The following DACH1 variants were observed in gnomAD, a reference collection of about 807,000 sequenced individuals.
DACH1 encodes the protein dachshund family transcription factor 1, also known as dachshund homolog 1.
Under a neutral mutation model 54.2 loss-of-function variants are expected in DACH1, and 12 were observed. The ratio of observed to expected loss-of-function variants is 0.22; its 90% CI spans 0.14 to 0.36. The LOEUF (loss-of-function observed/expected upper bound fraction) is 0.36. Among genes scored for constraint, DACH1 ranks in the 10% least tolerant of loss-of-function variants. The probability of loss-of-function intolerance (pLI) is 1.00; values close to 1 mark genes in which losing one functional copy is unlikely to be tolerated. For synonymous variants in DACH1, 386 were observed against 366.2 expected, an observed-to-expected ratio of 1.05 and a Z score of -0.62; for missense variants, 805 against 929.8, an observed-to-expected ratio of 0.87 and a Z score of 1.75.
At chr13:71,467,192 A>G (rs1876658314) in intron 10 of DACH1, among the ~76,000 whole-genome samples, 1 of 151,872 alleles carries the variant, frequency 6.6e-6, no homozygotes, top group Non-Finnish European at 1.5e-5. Flanking sequence ...GGCCTTCAGC[A>G]TTTGGAGTTC....
At chr13:71,787,749 G>A (rs1199225369) in intron 1 of DACH1, among the ~76,000 whole-genome samples, 1 of 152,038 alleles carries the variant, frequency 6.6e-6, no homozygotes, top group African/African-American at 2.4e-5. Context: ...GAGTATTCCC[G>A]GGCCATAGTT....
Position 71,739,913 on chromosome 13 carries a change from C to T in DACH1, c.849-58003G>A, listed in dbSNP as rs145793368. On this transcript the variant is annotated intron_variant, in intron 1 of 10. Transcript: ENST00000613252. ...AACACTTTGAAGCTAATAACGTGAG[C>T]TTTTAAAGACACACTGTAAAAGTTA... Among the ~76,000 whole-genome samples, 1,146 of 152,236 alleles carry T rather than the reference C, an allele frequency of 7.5e-3. 15 individuals are homozygous for T. The highest frequency in any genetic ancestry group is 0.025 in the African/African-American group (1,057 of 41,536).
rs560748782 is a variant in DACH1, at chr13:71,693,186, C to G, written c.849-11276G>C. The stretch of plus-strand genomic sequence containing the variant: ...TCTTTATAAAATAAAGCAGCCATAA[C>G]CATAAATTACTGGTAAAGTAACTTT... On this transcript the variant is annotated intron_variant, in intron 1 of 10. Coordinates refer to ENST00000613252, the MANE Select transcript of DACH1 (RefSeq NM_080759.6). Among the ~76,000 whole-genome samples the G allele has an allele frequency of 5.3e-5, 8 of 151,756 alleles. 1 individual carries two copies. In the South Asian group the frequency reaches 8.3e-4, roughly 16 times the overall value.
At position 71,866,505 on chromosome 13, in the gene DACH1, TGCTGCCGCCGCCGCCTCC is replaced by T. The variant is rs1288740714; in HGVS notation, c.247_264del (p.Gly83_Ser88del). 3.0e-5 allele frequency: 37 copies of T among 1,217,138 alleles called. No individual in the cohort carries two copies. The highest frequency in any genetic ancestry group is 6.3e-4 in the Middle Eastern group (2 of 3,184). The allele number at this position is 1,217,138 out of a possible 1,614,324, so 75.4% of individuals were successfully genotyped here. A position where few individuals can be genotyped will look rare whatever the true frequency, so the allele number is the denominator to read the frequency against. On this transcript the variant is annotated inframe_deletion, in exon 1 of 11. Transcript: ENST00000613252. ...CCGCCACCGCCGCCTCCGTTGCCGCTGCTGCCGCCGCCGCCTCCGCTGCCGCCGCCGCCGCCGCCGCCG... is the reference window on the plus strand; with the variant it reads ...CCGCCACCGCCGCCTCCGTTGCCGCTGCTGCCGCCGCCGCCGCCGCCGCCG...
intron 3 of DACH1, among the ~76,000 whole-genome samples, chr13:71,594,687 C>T (rs2138472225): frequency 6.6e-6 from 1 of 151,956 alleles, no homozygotes; most frequent in Non-Finnish European, 1.5e-5. Context: ...TTTTTTTCTC[C>T]TTAGGTCTTT....
At chr13:71,741,962 T>G (rs1279112089) in intron 1 of DACH1, among the ~76,000 whole-genome samples, 1 of 152,102 alleles carries the variant, frequency 6.6e-6, no homozygotes, top group Non-Finnish European at 1.5e-5. Flanking sequence ...CTCCCAAATT[T>G]CAACTTGAAT....
At chr13:71,608,457 T>C (rs887789350) in intron 3 of DACH1, among the ~76,000 whole-genome samples, 3 of 152,058 alleles carry the variant, frequency 2.0e-5, no homozygotes, top group East Asian at 1.9e-4. Context: ...TAGACTATCA[T>C]ACCAATAGTC....
intron 3 of DACH1, among the ~76,000 whole-genome samples, chr13:71,575,184 T>C (rs1031180135): frequency 3.3e-5 from 5 of 152,034 alleles, no homozygotes; most frequent in African/African-American, 7.2e-5. Context: ...TATCGGGATA[T>C]AGAAATCATG....
chr13:71,490,039 G>C (rs564087683), intron 6 of DACH1, among the ~76,000 whole-genome samples: 1 of 151,858 alleles, frequency 6.6e-6, no homozygotes, highest in Non-Finnish European at 1.5e-5. Flanking sequence ...TACAAGTTAC[G>C]GCTTATTTTA....
At chr13:71,703,108 T>C (rs928708630) in intron 1 of DACH1, among the ~76,000 whole-genome samples, 2 of 152,236 alleles carry the variant, frequency 1.3e-5, no homozygotes, top group Non-Finnish European at 2.9e-5. Context: ...TGTCATATAG[T>C]ATCTTAGCAG....
chr13:71,486,372 G>A (rs1231171226), intron 7 of DACH1, among the ~76,000 whole-genome samples: 1 of 151,992 alleles, frequency 6.6e-6, no homozygotes, highest in Non-Finnish European at 1.5e-5. Context: ...ATTGAGGTAG[G>A]CAGAATGTAA....
chr13:71,806,034 C>T (rs750976565), intron 1 of DACH1, among the ~76,000 whole-genome samples: 7 of 152,154 alleles, frequency 4.6e-5, no homozygotes, highest in Admixed American at 6.5e-5. Flanking sequence ...CTCGAACTCC[C>T]GACCTCAGGT....
intron 3 of DACH1, among the ~76,000 whole-genome samples, chr13:71,592,913 T>C (rs1297074869): frequency 6.6e-6 from 1 of 152,124 alleles, no homozygotes; most frequent in African/African-American, 2.4e-5. Context: ...ATAAGGGCAA[T>C]AAATCATAAT....
intron 10 of DACH1, among the ~76,000 whole-genome samples, chr13:71,448,104 A>G (rs1874633881): frequency 6.6e-6 from 1 of 152,214 alleles, no homozygotes; most frequent in Admixed American, 6.5e-5. Context: ...TAGCTTTATT[A>G]AACAGGTCAA....
chr13:71,641,124 T>A (rs1478196594), intron 2 of DACH1, among the ~76,000 whole-genome samples: 1 of 151,914 alleles, frequency 6.6e-6, no homozygotes, highest in East Asian at 1.9e-4. Context: ...AGCCATCTAA[T>A]TAAATAAAAA....
At chr13:71,712,127 T>A (rs962415434) in intron 1 of DACH1, among the ~76,000 whole-genome samples, 5 of 152,140 alleles carry the variant, frequency 3.3e-5, no homozygotes, top group African/African-American at 1.2e-4. Context: ...GGATTTTTAG[T>A]ATAATAATAG....
chr13:71,779,757 A>G (rs917142508), intron 1 of DACH1, among the ~76,000 whole-genome samples: 4 of 151,980 alleles, frequency 2.6e-5, no homozygotes, highest in Non-Finnish European at 4.4e-5. Flanking sequence ...AAATTCAACA[A>G]AAAAGTTTCC....
chr13:71,655,781 T>C (rs1879052354), intron 2 of DACH1, among the ~76,000 whole-genome samples: 1 of 152,196 alleles, frequency 6.6e-6, no homozygotes, highest in African/African-American at 2.4e-5. Flanking sequence ...CAGAATACTA[T>C]TTCACTTTTT....
intron 1 of DACH1, among the ~76,000 whole-genome samples, chr13:71,709,671 T>G (rs571631021): frequency 6.6e-4 from 101 of 152,328 alleles, no homozygotes; most frequent in Admixed American, 3.5e-3. Context: ...ATTGCTAATC[T>G]CTTCCTTTGC....
Sources: allele counts gnomAD v4.1 joint callset (sites outside exome capture counted in the v4.1 genomes callset), GRCh38; gene constraint gnomAD v4.1.1; transcripts MANE v1.5; gene names NCBI Gene and HGNC (gene_info 2026-07-23, HGNC 2026-07-21).